The following B3GALNT1 variants were observed in gnomAD, a reference collection of about 807,000 sequenced individuals.
B3GALNT1 encodes the protein UDP-GalNAc:beta-1,3-N-acetylgalactosaminyltransferase 1.
A neutral mutation model predicts 27.3 loss-of-function variants in B3GALNT1; 17 were observed. That is an observed-to-expected ratio of 0.62 (90% CI 0.43 to 0.94). B3GALNT1 has a LOEUF of 0.94. Ranked by LOEUF, B3GALNT1 falls within the 40% of genes least tolerant of loss-of-function variation. The pLI is 0.00. For missense variants in B3GALNT1, 347 were observed against 390.0 expected, an observed-to-expected ratio of 0.89 and a Z score of 0.93; for synonymous variants, 141 against 144.0, an observed-to-expected ratio of 0.98 and a Z score of 0.15.
intron 4 of B3GALNT1, among the ~76,000 whole-genome samples, chr3:161,098,606 G>A (rs987434038): frequency 1.3e-5 from 2 of 152,114 alleles, no homozygotes; most frequent in African/African-American, 4.8e-5. Context: ...CCAGCTATTC[G>A]AGTGGCTAAA....
intron 4 of B3GALNT1, among the ~76,000 whole-genome samples, chr3:161,090,560 C>T (rs889142090): frequency 1.3e-5 from 2 of 151,840 alleles, no homozygotes; most frequent in African/African-American, 2.4e-5. Context: ...AAATCAATTG[C>T]AAAAAATATG....
chr3:161,091,577 A>G (rs2108285737), intron 4 of B3GALNT1, among the ~76,000 whole-genome samples: 1 of 152,326 alleles, frequency 6.6e-6, no homozygotes, highest in Non-Finnish European at 1.5e-5. Flanking sequence ...GCCCTCAGTT[A>G]CCAGATTCAC....
intron 4 of B3GALNT1, among the ~76,000 whole-genome samples, chr3:161,087,534 G>A (rs777011951): frequency 3.9e-5 from 6 of 152,208 alleles, no homozygotes; most frequent in African/African-American, 9.6e-5. Flanking sequence ...TCAAAGGCCC[G>A]TCCTTAGTAT....
intron 4 of B3GALNT1, among the ~76,000 whole-genome samples, chr3:161,093,057 A>C (rs562149584): frequency 6.6e-6 from 1 of 152,178 alleles, no homozygotes; most frequent in South Asian, 2.1e-4. Flanking sequence ...GCACCAGGCC[A>C]AAAGTTTCAT....
chr3:161,096,473 G>A (rs1305254616), intron 4 of B3GALNT1, among the ~76,000 whole-genome samples: 1 of 152,156 alleles, frequency 6.6e-6, no homozygotes, highest in East Asian at 1.9e-4. Flanking sequence ...TGCAAAGGGA[G>A]TGGAAATCTT....
intron 4 of B3GALNT1, among the ~76,000 whole-genome samples, chr3:161,097,544 C>G (rs1728864314): frequency 6.6e-6 from 1 of 152,196 alleles, no homozygotes; most frequent in Non-Finnish European, 1.5e-5. Flanking sequence ...CTCCCAGTGC[C>G]TGATGTTCTG....
At position 161,101,215 on chromosome 3, in the gene B3GALNT1, G is replaced by A. The variant is rs1407000631; in HGVS notation, c.-111C>T. On this transcript the variant is annotated 5_prime_UTR_variant, in exon 4 of 5. Coordinates refer to ENST00000320474, the MANE Select transcript of B3GALNT1 (RefSeq NM_003781.4). ...CGGGAAGAGCCAACAGGTCAACCGG[G>A]TCCAGGGAGCTAAGAAAACTGGAGC... 3.1e-6 allele frequency: 4 copies of A among 1,289,784 alleles called. No individual in the cohort carries two copies. The highest frequency in any genetic ancestry group is 2.3e-5 in the Admixed American group (1 of 43,544). 79.9% of individuals were successfully genotyped at this position (1,289,784 alleles called of 1,614,324 possible).
intron 4 of B3GALNT1, among the ~76,000 whole-genome samples, chr3:161,098,162 G>A (rs901076931): frequency 1.3e-5 from 2 of 152,106 alleles, no homozygotes; most frequent in Non-Finnish European, 2.9e-5. Context: ...ATCTTATGAA[G>A]TAGGCACCAA....
chr3:161,092,070 G>A (rs1725402668), intron 4 of B3GALNT1, among the ~76,000 whole-genome samples: 1 of 152,136 alleles, frequency 6.6e-6, no homozygotes, highest in Admixed American at 6.6e-5. Context: ...CATCATAAAT[G>A]ATGGAACAAA....
At chr3:161,098,752 C>A (rs1257913867) in intron 4 of B3GALNT1, among the ~76,000 whole-genome samples, 4 of 152,200 alleles carry the variant, frequency 2.6e-5, no homozygotes, top group African/African-American at 4.8e-5. Flanking sequence ...GTTAATGCAT[C>A]TGTATTCCAA....
In B3GALNT1 at chr3:161,085,249, A is replaced by C. The variant is rs1721086882; in HGVS notation, c.*510T>G. ...AATAATAATAACTGTGAAATACTGC[A>C]ACATCTTGAAGTACTTTATAAATGA... On this transcript the variant is annotated 3_prime_UTR_variant, in exon 5 of 5. Coordinates refer to ENST00000320474, the MANE Select transcript of B3GALNT1 (RefSeq NM_003781.4). 6.5e-6 allele frequency: 1 copy of C among 152,794 alleles called. No homozygotes were observed. Among genetic ancestry groups the C allele is most frequent in the Non-Finnish European group, 1.5e-5 (1 of 68,454 alleles). 9.5% of individuals were successfully genotyped at this position (152,794 alleles called of 1,614,324 possible). A position where few individuals can be genotyped will look rare whatever the true frequency, so the allele number is the denominator to read the frequency against.
At chr3:161,101,428 G>C (rs973568045) in intron 3 of B3GALNT1, among the ~76,000 whole-genome samples, 195 bp from the exon 4 acceptor site, 2 of 152,144 alleles carry the variant, frequency 1.3e-5, no homozygotes, top group African/African-American at 4.8e-5. Context: ...ATTCTTCTTA[G>C]TTAAGCCATC....
At chr3:161,091,772 T>C (rs930970632) in intron 4 of B3GALNT1, among the ~76,000 whole-genome samples, 3 of 152,280 alleles carry the variant, frequency 2.0e-5, no homozygotes, top group Admixed American at 2.0e-4. Context: ...GTTTCAGGCA[T>C]GTTTGGGGGA....
In B3GALNT1 at chr3:161,086,644, G is replaced by C. The variant is rs1188620711; in HGVS notation, c.111C>G (p.Ser37Arg). ...LLSFFVMWYL[S>R]LPHYNVIERV... ...GTTCTATCACATTGTAGTGGGGAAG[G>C]CTGAGGTACCACATCACAAAGAAAC... Residue 37 changes from serine (S) to arginine (R), a missense_variant, in exon 5 of 5, where the codon AGC becomes AGG. Physicochemically the swap from Ser to Arg is moderately radical, Grantham distance 110. Coordinates refer to ENST00000320474, the MANE Select transcript of B3GALNT1 (RefSeq NM_003781.4). The C allele has an allele frequency of 6.2e-7, 1 of 1,614,140 alleles. No homozygotes were observed. The highest frequency in any genetic ancestry group is 1.7e-5 in the Admixed American group (1 of 60,010).
rs1722207556 is a variant in B3GALNT1, at chr3:161,086,709, T to A, written c.46A>T (p.Arg16Ter). The part of the protein sequence containing the change: ...WTVLPSRMSL[R>*]SLKWSLLLLS... ...AGCAGGAGGCTCCATTTGAGGGATC[T>A]CAGTGACATCCTACTCGGAAGGACA... The change falls in exon 5 of 5, where the codon AGA (arginine) becomes TGA (stop). Residue 16 changes from arginine to a stop codon, truncating the protein, a stop_gained. Coordinates refer to ENST00000320474, the MANE Select transcript of B3GALNT1 (RefSeq NM_003781.4). LOFTEE classifies it high-confidence loss of function. The A allele has an allele frequency of 6.2e-7, 1 of 1,614,008 alleles. No individual in the cohort carries two copies. Among genetic ancestry groups the A allele is most frequent in the Non-Finnish European group, 8.5e-7 (1 of 1,180,028 alleles).
intron 4 of B3GALNT1, among the ~76,000 whole-genome samples, chr3:161,098,392 T>C (rs940845273): frequency 6.6e-6 from 1 of 152,156 alleles, no homozygotes; most frequent in Admixed American, 6.5e-5. Context: ...CTGTTCTTCT[T>C]CAGAGGTGAA....
At position 161,084,952 on chromosome 3, in the gene B3GALNT1, G is replaced by A. The variant is rs928686610; in HGVS notation, c.*807C>T. On this transcript the variant is annotated 3_prime_UTR_variant, in exon 5 of 5. Coordinates refer to ENST00000320474, the MANE Select transcript of B3GALNT1 (RefSeq NM_003781.4). ...AATTAAGTGACTTCTAAAAACACTAGGAACTGTATTTTTTAAAAACAAGAC... is the reference window on the plus strand; with the variant it reads ...AATTAAGTGACTTCTAAAAACACTAAGAACTGTATTTTTTAAAAACAAGAC... The A allele has an allele frequency of 6.6e-6, 1 of 152,108 alleles. No homozygotes were observed. The highest frequency in any genetic ancestry group is 2.4e-5 in the African/African-American group (1 of 41,422). 9.4% of individuals were successfully genotyped at this position (152,108 alleles called of 1,614,324 possible).
intron 4 of B3GALNT1, among the ~76,000 whole-genome samples, chr3:161,093,307 C>T (rs1292206007): frequency 2.0e-5 from 3 of 152,176 alleles, no homozygotes; most frequent in African/African-American, 7.2e-5. Flanking sequence ...AATATGTACA[C>T]TTATCAATCA....
chr3:161,101,635 G>C (rs1450028475), intron 3 of B3GALNT1, among the ~76,000 whole-genome samples: 8 of 152,136 alleles, frequency 5.3e-5, no homozygotes, highest in Admixed American at 3.9e-4. Context: ...GGCCCACCTA[G>C]AGAACATGGG....
Sources: gnomAD v4.1 joint callset for allele counts (sites outside exome capture counted in the v4.1 genomes callset) on GRCh38, gnomAD v4.1.1 for gene constraint, MANE v1.5 for transcripts, NCBI Gene and HGNC (gene_info 2026-07-23, HGNC 2026-07-21) for gene names.